TNC: variants seen among roughly 807,000 people sequenced by gnomAD.
TNC encodes the protein tenascin.
A neutral mutation model predicts 202.4 loss-of-function variants in TNC; 109 were observed. That is an observed-to-expected ratio of 0.54 (90% CI 0.46 to 0.63). TNC has a LOEUF of 0.63. Ranked by LOEUF, TNC falls within the 30% of genes least tolerant of loss-of-function variation. The pLI, the probability that TNC is intolerant of heterozygous loss-of-function variation, is 0.00. For missense variants in TNC, 2,756 were observed against 2,833.3 expected, an observed-to-expected ratio of 0.97 and a Z score of 0.62; for synonymous variants, 1,007 against 1,089.7, an observed-to-expected ratio of 0.92 and a Z score of 1.50.
At chr9:115,102,047 T>C (rs1053261613) in intron 1 of TNC, among the ~76,000 whole-genome samples, 25 of 152,136 alleles carry the variant, frequency 1.6e-4, no homozygotes, top group African/African-American at 6.0e-4. Context: ...AATTTCAAAT[T>C]CACATACAAT....
Position 115,042,200 on chromosome 9 carries a change from C to G in TNC, c.5248+19G>C. On this transcript the variant is annotated intron_variant, in intron 18 of 27. Coordinates refer to ENST00000350763, the MANE Select transcript of TNC (RefSeq NM_002160.4). ...ACCCACAACACTCCTCCTCTCTCTC[C>G]CCTTTCCGAGTCTCCTACCTCCTGT... 2 of 1,611,844 alleles carry G rather than the reference C, an allele frequency of 1.2e-6. No homozygotes were observed. Among genetic ancestry groups the G allele is most frequent in the South Asian group, 2.2e-5 (2 of 90,836 alleles).
chr9:115,036,734 A>G (rs542886745), intron 20 of TNC, among the ~76,000 whole-genome samples: 22 of 152,328 alleles, frequency 1.4e-4, no homozygotes, highest in Middle Eastern at 3.4e-3. Context: ...CCTGGCCACT[A>G]TCTCTCAGGC....
At chr9:115,046,754 C>T (rs1180613163) in intron 16 of TNC, 72 bp from the exon 17 acceptor site, 2 of 1,555,768 alleles carry the variant, frequency 1.3e-6, no homozygotes, top group Non-Finnish European at 1.8e-6. Context: ...ATCTTCTCTC[C>T]AGTAGGGGTA....
intron 13 of TNC, among the ~76,000 whole-genome samples, chr9:115,060,943 G>A (rs1032102142): frequency 1.3e-5 from 2 of 152,136 alleles, no homozygotes; most frequent in Non-Finnish European, 2.9e-5. Context: ...CTCAGTAAAT[G>A]GTGCAGAACA....
intron 1 of TNC, among the ~76,000 whole-genome samples, chr9:115,111,816 G>A (rs935979338): frequency 2.6e-5 from 4 of 151,990 alleles, no homozygotes; most frequent in African/African-American, 9.7e-5. Context: ...AAGGAACTGA[G>A]GCCCTCAGTT....
intron 15 of TNC, among the ~76,000 whole-genome samples, chr9:115,056,421 A>G (rs1832126432): frequency 6.6e-6 from 1 of 152,174 alleles, no homozygotes; most frequent in South Asian, 2.1e-4. Flanking sequence ...AGAGCATCTG[A>G]CTTAGTGCAC....
chr9:115,088,254 G>A (rs1036413534), intron 2 of TNC, among the ~76,000 whole-genome samples: 12 of 152,164 alleles, frequency 7.9e-5, no homozygotes, highest in Middle Eastern at 3.4e-3. Flanking sequence ...ATTTTTTTCT[G>A]TTTTATTTTC....
At chr9:115,055,170 A>T (rs1370571713) in intron 15 of TNC, among the ~76,000 whole-genome samples, 1 of 152,226 alleles carries the variant, frequency 6.6e-6, no homozygotes, top group African/African-American at 2.4e-5. Flanking sequence ...ATTGAAAAAG[A>T]TTATTCAAGA....
chr9:115,078,261 T>C (rs1200253195), intron 6 of TNC, 49 bp from the exon 7 acceptor site: 14 of 1,553,106 alleles, frequency 9.0e-6, no homozygotes, highest in Admixed American at 1.8e-5. Flanking sequence ...GGCCATTGCC[T>C]GAGGCTTAGC....
Position 115,049,239 on chromosome 9 carries a change from T to C in TNC, c.4580-707A>G, listed in dbSNP as rs376295158. Among the ~76,000 whole-genome samples the C allele has an allele frequency of 2.6e-5, 4 of 152,190 alleles. No homozygotes were observed. The East Asian group carries it at 7.7e-4, about 29-fold the overall frequency. On this transcript the variant is annotated intron_variant, in intron 15 of 27. Transcript: ENST00000350763. ...CTCTCCTTCATTCGTTCACCAAACA[T>C]GTATGTCCCAGGCATTCTGATTTCT...
Position 115,063,732 on chromosome 9 carries a change from G to T in TNC, c.3760+64C>A, listed in dbSNP as rs1029865892. ...TGATCCCAGTTTAAAGCAAGAAAGT[G>T]CTTTGATTCCTCCCGAGCAGAGACA... On this transcript the variant is annotated intron_variant, in intron 12 of 27. Coordinates refer to ENST00000350763, the MANE Select transcript of TNC (RefSeq NM_002160.4). 3.9e-6 allele frequency: 6 copies of T among 1,534,082 alleles called. No individual in the cohort carries two copies. In the African/African-American group the frequency reaches 8.2e-5, roughly 21 times the overall value.
intron 10 of TNC, among the ~76,000 whole-genome samples, chr9:115,066,006 G>A (rs781224534): frequency 3.3e-5 from 5 of 151,208 alleles, no homozygotes; most frequent in East Asian, 3.9e-4. Context: ...AGTTTCTAGC[G>A]TTCAAATCAT....
rs1418033590 is a variant in TNC, at chr9:115,063,833, G to A, written c.3723C>T (p.Asp1241=). ...YTITIRGVTQ[D]FSTTPLSVEV... is the part of the protein sequence containing the mutation. Reference sequence around the variant, plus strand: ...CAACAGAGAGAGGGGTTGTGCTGAAGTCCTGAGTGACCCCGCGGATGGTGA... The same window carrying A: ...CAACAGAGAGAGGGGTTGTGCTGAAATCCTGAGTGACCCCGCGGATGGTGA... The change falls in exon 12 of 28, where the codon GAC becomes GAT. Residue 1241 remains aspartate, a synonymous_variant. Coordinates refer to ENST00000350763, the MANE Select transcript of TNC (RefSeq NM_002160.4). The A allele has an allele frequency of 1.9e-6, 3 of 1,614,034 alleles. No individual in the cohort carries two copies. The highest frequency in any genetic ancestry group is 2.5e-6 in the Non-Finnish European group (3 of 1,179,990).
chr9:115,070,339 G>C (rs7027443), intron 10 of TNC, among the ~76,000 whole-genome samples: 41,258 of 152,032 alleles, frequency 0.27, 5,994 homozygotes, highest in African/African-American at 0.37. Flanking sequence ...TATCCAGGGA[G>C]TGGGAGCAGC....
intron 1 of TNC, among the ~76,000 whole-genome samples, chr9:115,099,374 A>G (rs933201526): frequency 6.6e-6 from 1 of 152,202 alleles, no homozygotes; most frequent in African/African-American, 2.4e-5. Context: ...GATAAATACT[A>G]ACATGGACAA....
intron 1 of TNC, among the ~76,000 whole-genome samples, chr9:115,110,853 CT>C: frequency 6.6e-6 from 1 of 150,810 alleles, no homozygotes; most frequent in African/African-American, 2.4e-5. Flanking sequence ...TAAATAAAAA[CT>C]AGTCCACTTT....
intron 1 of TNC, among the ~76,000 whole-genome samples, chr9:115,101,520 A>AT (rs1175881598): frequency 3.3e-5 from 5 of 152,152 alleles, no homozygotes; most frequent in African/African-American, 1.2e-4. Flanking sequence ...GCCGCAATTG[A>AT]TTTTAACTCC....
intron 4 of TNC, among the ~76,000 whole-genome samples, chr9:115,083,149 T>C (rs1181207495): frequency 6.6e-6 from 1 of 152,114 alleles, no homozygotes; most frequent in Non-Finnish European, 1.5e-5. Flanking sequence ...GTTTCTTCAC[T>C]TGGAAAAAGA....
chr9:115,110,867 T>C (rs1263825586), intron 1 of TNC, among the ~76,000 whole-genome samples: 1 of 141,758 alleles, frequency 7.1e-6, no homozygotes, highest in African/African-American at 2.6e-5. Flanking sequence ...TCCACTTTAG[T>C]GGCTGCCAGA....
Sources: allele counts gnomAD v4.1 joint callset (sites outside exome capture counted in the v4.1 genomes callset), GRCh38; gene constraint gnomAD v4.1.1; transcripts MANE v1.5; gene names NCBI Gene and HGNC (gene_info 2026-07-23, HGNC 2026-07-21).